The following CNN3 variants were observed in gnomAD, a reference collection of about 807,000 sequenced individuals.
CNN3 encodes the protein calponin 3.
Under a neutral mutation model 39.0 loss-of-function variants are expected in CNN3, and 11 were observed. The observed-to-expected ratio is 0.28, with a 90% CI of 0.18 to 0.47. CNN3 has a LOEUF of 0.47. CNN3 is among the 20% of genes least tolerant of loss of function. The pLI, the probability that CNN3 is intolerant of heterozygous loss-of-function variation, is 0.99. For synonymous variants in CNN3, 101 were observed against 138.3 expected, an observed-to-expected ratio of 0.73 and a Z score of 1.89; for missense variants, 266 against 403.4, an observed-to-expected ratio of 0.66 and a Z score of 2.92.
intron 1 of CNN3, among the ~76,000 whole-genome samples, chr1:94,924,760 G>T (rs1671536988): frequency 6.6e-6 from 1 of 152,188 alleles, no homozygotes; most frequent in Non-Finnish European, 1.5e-5. Flanking sequence ...GTGACCTTGA[G>T]CAAATCTTTC....
rs767797719 is a variant in CNN3 at position 94,926,903 on chromosome 1, G to C, written c.-9C>G. The C allele has an allele frequency of 1.2e-6, 2 of 1,607,404 alleles. No individual in the cohort carries two copies. Among genetic ancestry groups the C allele is most frequent in the East Asian group, 2.3e-5 (1 of 44,054 alleles). ...TTGTTGAAGTGGGTCATGGTGGTTC[G>C]GGCGGCGGGAAGAGACAGCGCTGGG... On this transcript the variant is annotated 5_prime_UTR_variant, in exon 1 of 7. Transcript: ENST00000370206. This position sits in a 1 kb window ranked among gnomAD's most constrained non-coding sequence, Gnocchi z 4.2.
rs80088711 is a variant in CNN3, at chr1:94,908,115, C to T, written c.58-4591G>A. On this transcript the variant is annotated intron_variant, in intron 1 of 6. Transcript: ENST00000370206. ...GGAGCACTTACAAATGATCCAGAGA[C>T]CGAGGAGAATACTGTCTAGGCACAC... Among the ~76,000 whole-genome samples the T allele has an allele frequency of 3.8e-3, 574 of 152,246 alleles. 1 individual carries two copies. The highest frequency in any genetic ancestry group is 6.1e-3 in the Non-Finnish European group (412 of 68,020).
chr1:94,926,874 G>T lies in CNN3; in HGVS notation c.21C>A (p.Gly7=). The T allele has an allele frequency of 6.2e-7, 1 of 1,611,200 alleles. No individual in the cohort carries two copies. Among genetic ancestry groups the T allele is most frequent in the Non-Finnish European group, 8.5e-7 (1 of 1,178,574 alleles). Residue 7 remains glycine, a synonymous_variant, in exon 1 of 7, where the codon GGC becomes GGA. Transcript: ENST00000370206. This position sits in a 1 kb window ranked among gnomAD's most constrained non-coding sequence, Gnocchi z 4.2. MTHFNK[G]PSYGLSAEVK... is the part of the protein sequence containing the mutation. ...CTTCGGCCGAGAGCCCATAGGAAGGGCCCTTGTTGAAGTGGGTCATGGTGG... is the reference window on the plus strand; with the variant it reads ...CTTCGGCCGAGAGCCCATAGGAAGGTCCCTTGTTGAAGTGGGTCATGGTGG...
At chr1:94,920,281 G>A (rs897785684) in intron 1 of CNN3, among the ~76,000 whole-genome samples, 4 of 152,116 alleles carry the variant, frequency 2.6e-5, no homozygotes, top group African/African-American at 9.7e-5. Flanking sequence ...AAGGACTCTG[G>A]GGCAGATCAC....
chr1:94,916,069 A>C (rs1671272048), intron 1 of CNN3, among the ~76,000 whole-genome samples: 1 of 152,054 alleles, frequency 6.6e-6, no homozygotes, highest in Admixed American at 6.6e-5. Flanking sequence ...GCAAATTTTT[A>C]ATTGAACCTG....
At chr1:94,898,494 T>C (rs1409735732) in intron 6 of CNN3, among the ~76,000 whole-genome samples, 3 of 152,150 alleles carry the variant, frequency 2.0e-5, no homozygotes, top group Non-Finnish European at 2.9e-5. Flanking sequence ...ACATACATTA[T>C]CTGGGTTACC....
chr1:94,903,723 T>C (rs1670929468), intron 1 of CNN3, among the ~76,000 whole-genome samples, 199 bp from the exon 2 acceptor site: 2 of 152,112 alleles, frequency 1.3e-5, no homozygotes, highest in Admixed American at 1.3e-4. Context: ...GACCGTGTCA[T>C]ACAAAATTTT....
rs966236968 is a variant in CNN3, at chr1:94,902,102, A to G, written c.384+19T>C. 1.2e-5 allele frequency: 19 copies of G among 1,599,284 alleles called. No homozygotes were observed. The highest frequency in any genetic ancestry group is 1.6e-5 in the Non-Finnish European group (19 of 1,167,648). On this transcript the variant is annotated intron_variant, in intron 4 of 6. Transcript: ENST00000370206. ...TGTGGTGGGAATCTGTTAACCAGCC[A>G]TTAAAGACATGTACGTACCAGACCT...
At chr1:94,921,919 A>G (rs760961507) in intron 1 of CNN3, among the ~76,000 whole-genome samples, 36 of 152,238 alleles carry the variant, frequency 2.4e-4, no homozygotes, top group Non-Finnish European at 4.8e-4. Flanking sequence ...TACCAGGAGC[A>G]AAGTCCCTGG....
At chr1:94,918,720 C>G (rs1671358904) in intron 1 of CNN3, among the ~76,000 whole-genome samples, 2 of 151,620 alleles carry the variant, frequency 1.3e-5, no homozygotes, top group South Asian at 4.2e-4. Context: ...ATGGTAAAAC[C>G]CCATCTCTAC....
chr1:94,900,488 C>T (rs1394101004), intron 5 of CNN3, among the ~76,000 whole-genome samples: 1 of 152,088 alleles, frequency 6.6e-6, no homozygotes, highest in Non-Finnish European at 1.5e-5. Context: ...TTTTTTCCCC[C>T]ATAACCTATC....
intron 1 of CNN3, among the ~76,000 whole-genome samples, chr1:94,904,375 G>GA (rs961306712): frequency 3.9e-5 from 6 of 152,062 alleles, no homozygotes; most frequent in Admixed American, 6.6e-5. Context: ...AAAATATTGT[G>GA]AAAAAAATCA....
chr1:94,916,091 A>G (rs1014004870), intron 1 of CNN3, among the ~76,000 whole-genome samples: 7 of 152,100 alleles, frequency 4.6e-5, no homozygotes, highest in Non-Finnish European at 2.9e-5. Context: ...TGCCAGCCTC[A>G]TACACTGTCC....
intron 1 of CNN3, chr1:94,924,558 G>A (rs1671531285): frequency 6.6e-6 from 1 of 152,434 alleles, no homozygotes; most frequent in Non-Finnish European, 1.5e-5. Context: ...GGGAGGCGAA[G>A]GTTGCAGTGA....
chr1:94,920,066 C>T (rs188142679), intron 1 of CNN3, among the ~76,000 whole-genome samples: 4 of 152,240 alleles, frequency 2.6e-5, no homozygotes, highest in Admixed American at 2.6e-4. Flanking sequence ...TATCTGAAAC[C>T]AAGAAAGGAA....
At chr1:94,915,762 G>C (rs1194473475) in intron 1 of CNN3, among the ~76,000 whole-genome samples, 1 of 152,178 alleles carries the variant, frequency 6.6e-6, no homozygotes, top group Non-Finnish European at 1.5e-5. Flanking sequence ...CGCTCACAGG[G>C]AGGGCTTAGC....
At chr1:94,922,554 C>T (rs985476521) in intron 1 of CNN3, among the ~76,000 whole-genome samples, 1 of 152,264 alleles carries the variant, frequency 6.6e-6, no homozygotes, top group East Asian at 1.9e-4. Context: ...TAATTAAAAA[C>T]CAATTTCTGA....
chr1:94,917,466 C>T (rs1185125788), intron 1 of CNN3, among the ~76,000 whole-genome samples: 1 of 152,168 alleles, frequency 6.6e-6, no homozygotes, highest in Non-Finnish European at 1.5e-5. Context: ...ATGTCAATGA[C>T]TCATGACTTG....
chr1:94,897,840 T>C lies in CNN3; in HGVS notation c.892A>G (p.Ser298Gly). ...TCAGGGTATTCTGCCTGATAATCACTATCACTGATTTCCGAACCATTTGTT... is the reference window on the plus strand; with the variant it reads ...TCAGGGTATTCTGCCTGATAATCACCATCACTGATTTCCGAACCATTTGTT... ...TGTNGSEISD[S>G]DYQAEYPDEY... Residue 298 changes from serine (S) to glycine (G), a missense_variant, in exon 7 of 7, where the codon AGT (serine) becomes GGT (glycine). By Grantham distance (56) the Ser-to-Gly change is moderately conservative. Transcript: ENST00000370206. 6.2e-7 allele frequency: 1 copy of C among 1,614,204 alleles called. No individual in the cohort carries two copies. The highest frequency in any genetic ancestry group is 8.5e-7 in the Non-Finnish European group (1 of 1,180,006).
Sources: gnomAD v4.1 joint callset for allele counts (sites outside exome capture counted in the v4.1 genomes callset) on GRCh38, gnomAD v4.1.1 for gene constraint, Gnocchi (gnomAD v3.1) non-coding constraint, MANE v1.5 for transcripts, NCBI Gene and HGNC (gene_info 2026-07-23, HGNC 2026-07-21) for gene names.